The following CCDC3 variants were observed in gnomAD, a reference collection of about 807,000 sequenced individuals.
The protein encoded by CCDC3 is coiled-coil domain-containing protein 3.
Under a neutral mutation model 21.4 loss-of-function variants are expected in CCDC3, and 24 were observed. That is an observed-to-expected ratio of 1.12 (90% confidence interval 0.81 to 1.58). CCDC3 has a LOEUF of 1.58. CCDC3 is among the 40% of genes most tolerant of loss of function. The pLI is 0.00. For missense variants in CCDC3, 425 were observed against 360.9 expected, an observed-to-expected ratio of 1.18 and a Z score of -1.44; for synonymous variants, 186 against 166.0, an observed-to-expected ratio of 1.12 and a Z score of -0.93.
chr10:12,981,572 C>T (rs932039348), intron 2 of CCDC3, among the ~76,000 whole-genome samples: 4 of 152,010 alleles, frequency 2.6e-5, no homozygotes, highest in African/African-American at 7.2e-5. Context: ...CTTAGTTATA[C>T]AAGAAAAGTG....
At chr10:12,939,201 T>C (rs527965827) in intron 2 of CCDC3, among the ~76,000 whole-genome samples, 9 of 152,362 alleles carry the variant, frequency 5.9e-5, no homozygotes, top group Admixed American at 4.6e-4. Flanking sequence ...ATAAATCTAG[T>C]GTTTCCAGGC....
chr10:12,942,449 G>A (rs78097108), intron 2 of CCDC3, among the ~76,000 whole-genome samples: 7,074 of 152,272 alleles, frequency 0.046, 205 homozygotes, highest in Non-Finnish European at 0.07. Flanking sequence ...TCTGCAAAAT[G>A]AAGCTACAGA....
intron 1 of CCDC3, 24 bp downstream of exon 1, chr10:13,001,173 T>TGGC: frequency 3.9e-6 from 6 of 1,534,678 alleles, no homozygotes; most frequent in Non-Finnish European, 2.6e-6. Flanking sequence ...GAGAGAGAGG[T>TGGC]GGCGGCGGCG....
At chr10:13,076,457 C>T (rs1308599405) in intron 3 of CCDC3, among the ~76,000 whole-genome samples, 1 of 152,202 alleles carries the variant, frequency 6.6e-6, no homozygotes, top group African/African-American at 2.4e-5. Context: ...GTAGGAGTGT[C>T]CTGTGTAGAA....
intron 4 of CCDC3, among the ~76,000 whole-genome samples, chr10:13,070,207 T>G (rs1312744411): frequency 6.6e-6 from 1 of 152,224 alleles, no homozygotes; most frequent in East Asian, 1.9e-4. Flanking sequence ...TTGAGTAAGG[T>G]ATACTCCTGT....
chr10:13,002,781 C>T (rs557745628), upstream of CCDC3, among the ~76,000 whole-genome samples: 1 of 152,300 alleles, frequency 6.6e-6, no homozygotes, highest in East Asian at 1.9e-4. Flanking sequence ...CTTACTTTCT[C>T]AGAGTTTTGG....
chr10:12,963,583 T>G (rs1257706872), intron 2 of CCDC3, among the ~76,000 whole-genome samples: 2 of 112,650 alleles, frequency 1.8e-5, no homozygotes, highest in African/African-American at 5.0e-5. Context: ...TTCCGGGTTT[T>G]TTTTTTTTTT....
intron 5 of CCDC3, among the ~76,000 whole-genome samples, chr10:13,048,763 A>G (rs1193315030): frequency 6.6e-6 from 1 of 151,144 alleles, no homozygotes; most frequent in Non-Finnish European, 1.5e-5. Flanking sequence ...GTATGGTGCC[A>G]GCTGAGAAGG....
chr10:13,042,400 C>T (rs556259148), intron 5 of CCDC3, among the ~76,000 whole-genome samples: 5 of 152,300 alleles, frequency 3.3e-5, no homozygotes, highest in South Asian at 2.1e-4. Flanking sequence ...GGCGGGAGAC[C>T]GCCACAGGAC....
chr10:12,998,679 A>G (rs1564314916), intron 1 of CCDC3, among the ~76,000 whole-genome samples, 167 bp from the exon 2 acceptor site: 1 of 152,172 alleles, frequency 6.6e-6, no homozygotes, highest in African/African-American at 2.4e-5. Context: ...GTCTCACGCT[A>G]CATCAGTCTA....
At chr10:13,018,338 G>A (rs1836096348) in intron 5 of CCDC3, among the ~76,000 whole-genome samples, 1 of 151,996 alleles carries the variant, frequency 6.6e-6, no homozygotes, top group Non-Finnish European at 1.5e-5. Context: ...TCAAGAGAAT[G>A]TAAATTCACA....
chr10:12,991,345 G>T (rs1589033076), intron 2 of CCDC3, among the ~76,000 whole-genome samples: 1 of 151,868 alleles, frequency 6.6e-6, no homozygotes, highest in East Asian at 1.9e-4. Context: ...CCTTGAGAGG[G>T]AGTCTTGCTC....
chr10:12,909,601 G>A (rs997887171), intron 2 of CCDC3, among the ~76,000 whole-genome samples: 5 of 152,188 alleles, frequency 3.3e-5, no homozygotes, highest in African/African-American at 7.2e-5. Flanking sequence ...GGACCCCTGT[G>A]CTTAGTGCCG....
intron 4 of CCDC3, among the ~76,000 whole-genome samples, chr10:13,060,401 G>A (rs1381671061): frequency 1.3e-5 from 2 of 152,140 alleles, no homozygotes; most frequent in Non-Finnish European, 2.9e-5. Context: ...GTGGGCTGGA[G>A]AGGAGTTGCG....
At chr10:12,993,096 T>C (rs111888795) in intron 2 of CCDC3, among the ~76,000 whole-genome samples, 6 of 152,348 alleles carry the variant, frequency 3.9e-5, no homozygotes, top group African/African-American at 1.4e-4. Context: ...CCATGGGATG[T>C]TTCAGGACCC....
intron 3 of CCDC3, among the ~76,000 whole-genome samples, chr10:13,077,463 C>T (rs1737252362): frequency 2.6e-5 from 4 of 152,146 alleles, no homozygotes; most frequent in Admixed American, 2.6e-4. Context: ...CAATGCCATC[C>T]CCATTAAGCT....
chr10:12,969,213 A>G (rs1253284892), intron 2 of CCDC3, among the ~76,000 whole-genome samples: 1 of 152,182 alleles, frequency 6.6e-6, no homozygotes, highest in African/African-American at 2.4e-5. Flanking sequence ...AATGCTCAAC[A>G]TCACGAATCA....
At chr10:12,900,881 A>G (rs909197357) in intron 2 of CCDC3, among the ~76,000 whole-genome samples, 12 of 152,042 alleles carry the variant, frequency 7.9e-5, no homozygotes, top group Non-Finnish European at 1.3e-4. Flanking sequence ...GGTCTGTATT[A>G]GCCAGAACCC....
At chr10:12,964,553 G>A (rs181191706) in intron 2 of CCDC3, among the ~76,000 whole-genome samples, 2 of 152,250 alleles carry the variant, frequency 1.3e-5, no homozygotes, top group East Asian at 1.9e-4. Flanking sequence ...AGAGAATGCC[G>A]AGCCAAAAGA....
Sources: gnomAD v4.1 joint callset for allele counts (sites outside exome capture counted in the v4.1 genomes callset) on GRCh38, gnomAD v4.1.1 for gene constraint, MANE v1.5 for transcripts, NCBI Gene and HGNC (gene_info 2026-07-23, HGNC 2026-07-21) for gene names.